SASH1: variants seen among roughly 807,000 people sequenced by gnomAD.
The protein encoded by SASH1 is SAM and SH3 domain-containing protein 1.
In SASH1, 44 loss-of-function variants were observed where a neutral mutation model predicts 125.2. The observed-to-expected ratio is 0.35, with a 90% confidence interval of 0.28 to 0.45. SASH1 has a LOEUF of 0.45. Ranked by LOEUF, SASH1 falls within the 20% of genes least tolerant of loss-of-function variation. The pLI is 1.00. For missense variants in SASH1, 1,426 were observed against 1,614.5 expected (o/e 0.88, Z 2.00); for synonymous variants, 639 against 649.1 (o/e 0.98, Z 0.24).
At chr6:148,501,517 A>G (rs1426230851) in intron 8 of SASH1, among the ~76,000 whole-genome samples, 1 of 152,152 alleles carries the variant, frequency 6.6e-6, no homozygotes, top group African/African-American at 2.4e-5. Context: ...GTCTGATCCC[A>G]TAGATTTGCT....
the SASH1 span, among the ~76,000 whole-genome samples, chr6:148,259,495 G>A: frequency 2.0e-5 from 3 of 152,126 alleles, no homozygotes; most frequent in Non-Finnish European, 2.9e-5. Context: ...TGTTGAAGGC[G>A]CCACGAAGAG....
upstream of SASH1, among the ~76,000 whole-genome samples, chr6:148,268,930 G>A (rs1202408869): frequency 6.6e-6 from 1 of 152,172 alleles, no homozygotes; most frequent in African/African-American, 2.4e-5. Context: ...TAACAATGCT[G>A]GATCCAGTTT....
intron 1 of SASH1, among the ~76,000 whole-genome samples, chr6:148,326,371 TATACA>T (rs1780822523): frequency 2.7e-5 from 2 of 74,454 alleles, no homozygotes; most frequent in African/African-American, 4.4e-5. Flanking sequence ...TATATATATA[TATACA>T]TTCTTTTCTT....
chr6:148,242,092 C>T, the SASH1 span, among the ~76,000 whole-genome samples: 2 of 152,152 alleles, frequency 1.3e-5, no homozygotes, highest in African/African-American at 4.8e-5. Context: ...CACACACGGA[C>T]ATCGTAAGAT....
chr6:148,421,161 G>GGAAGGAAGA (rs1562396462), intron 2 of SASH1, among the ~76,000 whole-genome samples: 53 of 100,780 alleles, frequency 5.3e-4, no homozygotes, highest in Middle Eastern at 4.6e-3. Flanking sequence ...AAGAAAGAAA[G>GGAAGGAAGA]AAAGAAAGAA....
At chr6:148,445,274 A>G (rs1018236107) in intron 4 of SASH1, among the ~76,000 whole-genome samples, 1 of 152,156 alleles carries the variant, frequency 6.6e-6, no homozygotes, top group Non-Finnish European at 1.5e-5. Flanking sequence ...AATGCAGCCC[A>G]GCAGGTCTCA....
chr6:148,403,114 C>T (rs1784242584), intron 2 of SASH1, among the ~76,000 whole-genome samples: 1 of 152,126 alleles, frequency 6.6e-6, no homozygotes, highest in South Asian at 2.1e-4. Context: ...CCTGGCCACT[C>T]CCTAACCTTG....
chr6:148,377,195 C>CCA (rs1782944810), intron 1 of SASH1, among the ~76,000 whole-genome samples: 1 of 121,836 alleles, frequency 8.2e-6, no homozygotes, highest in South Asian at 2.7e-4. Context: ...AAAAAAAAAA[C>CCA]AAAAAAAAAA....
intron 1 of SASH1, among the ~76,000 whole-genome samples, chr6:148,329,847 TTTTC>T (rs1232765608): frequency 6.6e-6 from 1 of 152,018 alleles, no homozygotes; most frequent in Non-Finnish European, 1.5e-5. Context: ...AAAAGTTGAG[TTTTC>T]TTTCTTTTTT....
chr6:148,278,918 A>G (rs1276570198), intron 1 of SASH1: 3 of 152,200 alleles, frequency 2.0e-5, no homozygotes, highest in Non-Finnish European at 4.4e-5. Context: ...GAACACTAAA[A>G]TGAAACCTAG....
chr6:148,519,563 G>T lies in SASH1; in HGVS notation c.879G>T (p.Val293=), dbSNP rs1780667520. The T allele has an allele frequency of 1.9e-6, 3 of 1,613,804 alleles. No individual in the cohort carries two copies. Among genetic ancestry groups the T allele is most frequent in the Non-Finnish European group, 2.5e-6 (3 of 1,179,708 alleles). The change falls in exon 10 of 20, where the codon GTG becomes GTT. Residue 293 remains valine (V), a synonymous_variant. Transcript: ENST00000367467. The surrounding 1 kb of genome is among the most constrained non-coding windows in gnomAD (Gnocchi z 4.8). ...TCCCTCCAGGTGGGGAGGAGCACGT[G>T]TTTGAGAATTCGCCGGTCCTGGATG... ...KPSTEGGEEH[V]FENSPVLDER...
chr6:148,194,883 G>A, the SASH1 span, among the ~76,000 whole-genome samples: 1 of 152,232 alleles, frequency 6.6e-6, no homozygotes, highest in East Asian at 1.9e-4. Context: ...TCCAGCCTGG[G>A]CGACAGAGCG....
At chr6:148,237,843 T>C in the SASH1 span, among the ~76,000 whole-genome samples, 1 of 152,166 alleles carries the variant, frequency 6.6e-6, no homozygotes, top group African/African-American at 2.4e-5. Context: ...TGGCCCTCCA[T>C]TTTCTCTCTG....
At chr6:148,362,157 G>T (rs1431085618) in intron 1 of SASH1, among the ~76,000 whole-genome samples, 3 of 151,464 alleles carry the variant, frequency 2.0e-5, no homozygotes, top group African/African-American at 7.3e-5. Flanking sequence ...TCGATATCCT[G>T]ACCTTGTGAT....
At chr6:148,274,527 G>A (rs1041863816) in intron 1 of SASH1, among the ~76,000 whole-genome samples, 2 of 152,176 alleles carry the variant, frequency 1.3e-5, no homozygotes, top group Non-Finnish European at 2.9e-5. Flanking sequence ...AAGGAAGCAA[G>A]CACATTTGGG....
chr6:148,277,622 A>G (rs550793657), intron 1 of SASH1, among the ~76,000 whole-genome samples: 5 of 152,354 alleles, frequency 3.3e-5, no homozygotes, highest in South Asian at 2.1e-4. Flanking sequence ...TGACACTCCA[A>G]TAGTTTTCCA....
intron 1 of SASH1, among the ~76,000 whole-genome samples, chr6:148,372,447 G>A (rs1472772123): frequency 6.6e-6 from 1 of 152,080 alleles, no homozygotes; most frequent in Non-Finnish European, 1.5e-5. Flanking sequence ...AAGAGAACAG[G>A]ATGATATACA....
intron 1 of SASH1, among the ~76,000 whole-genome samples, chr6:148,299,827 CT>C (rs1482576814): frequency 6.6e-6 from 1 of 152,088 alleles, no homozygotes; most frequent in Non-Finnish European, 1.5e-5. Context: ...AAGCTCTCAA[CT>C]TTTAAATCAG....
chr6:148,516,298 C>T (rs1217688915), intron 9 of SASH1, among the ~76,000 whole-genome samples: 1 of 51,844 alleles, frequency 1.9e-5, no homozygotes, highest in Non-Finnish European at 4.3e-5. Context: ...TCAGGAGAGG[C>T]CCCAGGTGTG....
Sources: allele counts gnomAD v4.1 joint callset (sites outside exome capture counted in the v4.1 genomes callset), GRCh38; gene constraint gnomAD v4.1.1; non-coding constraint Gnocchi (gnomAD v3.1); transcripts MANE v1.5; gene names NCBI Gene and HGNC (gene_info 2026-07-23, HGNC 2026-07-21).